NOXRED1: variants seen among roughly 807,000 people sequenced by gnomAD.
NOXRED1 encodes NADP dependent oxidoreductase domain containing 1, also known as NADP-dependent oxidoreductase domain-containing protein 1.
NOXRED1 carries 20 observed loss-of-function variants against 30.4 expected under a neutral mutation model. That is an observed-to-expected ratio of 0.66 (90% CI 0.46 to 0.96). NOXRED1 has a LOEUF of 0.96. Among genes scored for constraint, NOXRED1 ranks in the 40% least tolerant of loss-of-function variants. The pLI is 0.00. For missense variants in NOXRED1, 374 were observed against 428.0 expected (o/e 0.87, Z 1.11); for synonymous variants, 155 against 168.0 (o/e 0.92, Z 0.60).
At chr14:77,419,628 TTAG>T (rs1379071227) in intron 1 of NOXRED1, among the ~76,000 whole-genome samples, 1 of 151,584 alleles carries the variant, frequency 6.6e-6, no homozygotes, top group Non-Finnish European at 1.5e-5. Flanking sequence ...TTTTGTATTT[TTAG>T]TAGAGACGGT....
Position 77,394,579 on chromosome 14 carries a change from C to T in NOXRED1, c.*52G>A. 5 of 1,403,880 alleles carry T rather than the reference C, an allele frequency of 3.6e-6. No homozygotes were observed. The highest frequency in any genetic ancestry group is 5.0e-6 in the Non-Finnish European group (5 of 998,052). The allele number at this position is 1,403,880 out of a possible 1,614,324, so 87.0% of individuals were successfully genotyped here. A position where few individuals can be genotyped will look rare whatever the true frequency, so the allele number is the denominator to read the frequency against. The stretch of plus-strand genomic sequence containing the variant: ...GTCAATTGTGATAATCAGGGCACAA[C>T]TATTATAGGGAAAATCTGTGAGTGG... On this transcript the variant is annotated 3_prime_UTR_variant, in exon 6 of 6. Coordinates refer to ENST00000380835, the MANE Select transcript of NOXRED1 (RefSeq NM_001113475.3).
rs553322123 is a variant in NOXRED1, at chr14:77,413,006, T to G, written c.349+928A>C. Among the ~76,000 whole-genome samples the G allele has an allele frequency of 2.6e-4, 39 of 152,236 alleles. 1 individual carries two copies. Among genetic ancestry groups the G allele is most frequent in the African/African-American group, 9.2e-4 (38 of 41,522 alleles). ...AATTTTCTACAATATGCATATTATTTTACATTTTTTATTATTGAAGTATAA... is the reference window on the plus strand; with the variant it reads ...AATTTTCTACAATATGCATATTATTGTACATTTTTTATTATTGAAGTATAA... On this transcript the variant is annotated intron_variant, in intron 2 of 5. Coordinates refer to ENST00000380835, the MANE Select transcript of NOXRED1 (RefSeq NM_001113475.3).
chr14:77,406,685 A>T, intron 4 of NOXRED1, 39 bp downstream of exon 4: 1 of 1,600,236 alleles, frequency 6.2e-7, no homozygotes, highest in Non-Finnish European at 8.6e-7. Flanking sequence ...ACAGGAAAGT[A>T]ATTTTCAAAA....
intron 5 of NOXRED1, among the ~76,000 whole-genome samples, chr14:77,399,735 G>A (rs1894274787): frequency 6.6e-6 from 1 of 152,074 alleles, no homozygotes; most frequent in Non-Finnish European, 1.5e-5. Flanking sequence ...AGGACTGTGG[G>A]ACAACTACAA....
At chr14:77,425,850 G>C (rs1350493129), upstream of NOXRED1, among the ~76,000 whole-genome samples, 1 of 152,264 alleles carries the variant, frequency 6.6e-6, no homozygotes, top group Non-Finnish European at 1.5e-5. Flanking sequence ...TTGCCTTAAG[G>C]CATGGCATGT....
chr14:77,419,535 G>A (rs185583522), intron 1 of NOXRED1, among the ~76,000 whole-genome samples: 63 of 131,592 alleles, frequency 4.8e-4, no homozygotes, highest in African/African-American at 1.5e-3. Flanking sequence ...TGCTACCTCC[G>A]CCTCCCGGGT....
At chr14:77,425,575 A>G (rs535811115), upstream of NOXRED1, among the ~76,000 whole-genome samples, 1 of 152,356 alleles carries the variant, frequency 6.6e-6, no homozygotes, top group African/African-American at 2.4e-5. Context: ...GGAACTAAAT[A>G]TGAGGTTACC....
intron 5 of NOXRED1, among the ~76,000 whole-genome samples, chr14:77,405,538 C>T (rs1187675167): frequency 1.3e-5 from 2 of 152,124 alleles, no homozygotes; most frequent in Admixed American, 6.6e-5. Flanking sequence ...ACCTAGGTAG[C>T]TGCTCATAAA....
Position 77,423,066 on chromosome 14 carries a change from C to G in NOXRED1, c.-177G>C, listed in dbSNP as rs906064722. On this transcript the variant is annotated 5_prime_UTR_variant, in exon 1 of 6. Transcript: ENST00000380835. ...CCCAGATTCTGAATTTGGAATTCAC[C>G]TCTCTTGAATTCACACTCTAGAGTG... The G allele has an allele frequency of 1.9e-5, 11 of 584,376 alleles. No homozygotes were observed. In the African/African-American group the frequency reaches 2.1e-4, roughly 11 times the overall value. 36.2% of individuals were successfully genotyped at this position (584,376 alleles called of 1,614,324 possible).
intron 5 of NOXRED1, among the ~76,000 whole-genome samples, chr14:77,402,415 CG>C (rs750121694): frequency 9.2e-5 from 14 of 152,140 alleles, no homozygotes; most frequent in Non-Finnish European, 2.1e-4. Context: ...CACCTGAGGT[CG>C]GGAGTTCAAG....
At chr14:77,406,696 G>T (rs1352990254) in intron 4 of NOXRED1, 28 bp downstream of exon 4, 3 of 1,610,250 alleles carry the variant, frequency 1.9e-6, no homozygotes, top group Non-Finnish European at 2.5e-6. Context: ...ATTTTCAAAA[G>T]AATGCCAGAA....
chr14:77,406,623 A>C (rs371262273), intron 4 of NOXRED1, 101 bp downstream of exon 4: 10 of 630,512 alleles, frequency 1.6e-5, no homozygotes, highest in African/African-American at 1.4e-4. Context: ...ACACACACAC[A>C]CACACACACA....
chr14:77,394,777 C>A lies in NOXRED1; in HGVS notation c.934G>T (p.Val312Leu), dbSNP rs1267494053. The A allele has an allele frequency of 1.2e-6, 2 of 1,613,526 alleles. No individual in the cohort carries two copies. The highest frequency in any genetic ancestry group is 2.7e-5 in the African/African-American group (2 of 74,884). Residue 312 changes from valine (V) to leucine (L), a missense_variant, in exon 6 of 6, where the codon GTG (valine) becomes TTG (leucine). By Grantham distance (32) the Val-to-Leu change is conservative. Transcript: ENST00000380835. ...CTAAACGGAGTTTCCTTGAGTTGCACAGCAGTCAGATCAAACCAGGGGAAA... is the reference window on the plus strand; with the variant it reads ...CTAAACGGAGTTTCCTTGAGTTGCAAAGCAGTCAGATCAAACCAGGGGAAA... ...RPFPWFDLTAVQLKETPFSQH... is the reference protein window; with the variant it reads ...RPFPWFDLTALQLKETPFSQH...
In NOXRED1 at chr14:77,405,950, C is replaced by T; in HGVS notation, c.868G>A (p.Val290Ile). The T allele has an allele frequency of 6.2e-7, 1 of 1,613,652 alleles. No individual in the cohort carries two copies. The highest frequency in any genetic ancestry group is 8.5e-7 in the Non-Finnish European group (1 of 1,179,822). Residue 290 changes from valine to isoleucine, a missense_variant, in exon 5 of 6, where the codon GTC (valine) becomes ATC (isoleucine). Val to Ile is a conservative substitution (Grantham distance 29, BLOSUM62 3). Transcript: ENST00000380835. ...SCPKLQLTDF[V>I]SKAYGKNLSQ... ...AAATTCTTGCCATAGGCTTTGCTGA[C>T]AAAATCTGTTAATTGCAACTTTGGG...
chr14:77,406,608 CACACACACACACACACACACACACACAG>C, intron 4 of NOXRED1, 88 bp downstream of exon 4: 3 of 871,582 alleles, frequency 3.4e-6, no homozygotes, highest in Non-Finnish European at 3.8e-6. Flanking sequence ...CACACACACA[CACACACACACACACACACACACACACAG>C]AGAGAGAGAG....
At chr14:77,398,413 C>G (rs117191775) in intron 5 of NOXRED1, among the ~76,000 whole-genome samples, 1 of 152,168 alleles carries the variant, frequency 6.6e-6, no homozygotes, top group Non-Finnish European at 1.5e-5. Context: ...CAGAGCCAAA[C>G]CTTCTGGGGT....
At chr14:77,416,962 CTT>C (rs1376441467) in intron 1 of NOXRED1, among the ~76,000 whole-genome samples, 1 of 152,174 alleles carries the variant, frequency 6.6e-6, no homozygotes, top group East Asian at 1.9e-4. Flanking sequence ...CATAGTACTG[CTT>C]TTGTTGCAAC....
At chr14:77,410,865 T>G (rs1034029286) in intron 2 of NOXRED1, among the ~76,000 whole-genome samples, 2 of 152,196 alleles carry the variant, frequency 1.3e-5, no homozygotes, top group Non-Finnish European at 2.9e-5. Flanking sequence ...GGTGTTCTTA[T>G]GCAATGTTGG....
chr14:77,406,950 T>A (rs1460647415), intron 3 of NOXRED1, 75 bp from the exon 4 acceptor site: 1 of 1,351,516 alleles, frequency 7.4e-7, no homozygotes, highest in African/African-American at 1.4e-5. Context: ...TGTGTTTACA[T>A]CCAACCCCAT....
Sources: gnomAD v4.1 joint callset for allele counts (sites outside exome capture counted in the v4.1 genomes callset) on GRCh38, gnomAD v4.1.1 for gene constraint, MANE v1.5 for transcripts, NCBI Gene and HGNC (gene_info 2026-07-23, HGNC 2026-07-21) for gene names.